MYO9A: variants seen among roughly 807,000 people sequenced by gnomAD.
MYO9A encodes unconventional myosin-IXa.
MYO9A carries 103 observed loss-of-function variants against 293.3 expected under a neutral mutation model. That is an observed-to-expected ratio of 0.35 (90% confidence interval 0.30 to 0.41). MYO9A has a LOEUF of 0.41. Ranked by LOEUF, MYO9A falls within the 10% of genes least tolerant of loss-of-function variation. The pLI, the probability that MYO9A is intolerant of heterozygous loss-of-function variation, is 1.00. For synonymous variants in MYO9A, 1,001 were observed against 1,035.7 expected (o/e 0.97, Z 0.64); for missense variants, 2,685 against 3,033.0 (o/e 0.89, Z 2.69).
intron 1 of MYO9A, among the ~76,000 whole-genome samples, chr15:72,107,793 A>G (rs1190962631): frequency 7.9e-5 from 1 of 12,612 alleles, no homozygotes; most frequent in East Asian, 2.1e-3. Flanking sequence ...AGACAATTTG[A>G]GCATCAAAAA....
intron 10 of MYO9A, among the ~76,000 whole-genome samples, chr15:71,991,742 G>A (rs1303959101): frequency 6.6e-6 from 1 of 152,184 alleles, no homozygotes; most frequent in Non-Finnish European, 1.5e-5. Context: ...GAAACTAGAT[G>A]TCAGAACGTA....
intron 37 of MYO9A, among the ~76,000 whole-genome samples, chr15:71,850,605 C>T (rs188135239): frequency 8.9e-4 from 50 of 56,120 alleles, no homozygotes; most frequent in African/African-American, 3.5e-3. Flanking sequence ...TCTCTACTAA[C>T]AATACAAAAA....
intron 6 of MYO9A, among the ~76,000 whole-genome samples, chr15:72,018,681 T>C (rs1024074861): frequency 6.6e-6 from 1 of 151,936 alleles, no homozygotes; most frequent in African/African-American, 2.4e-5. Context: ...GTAATGAAAC[T>C]ACTAAAAAAT....
At chr15:71,902,366 T>C (rs2057510789) in intron 22 of MYO9A, among the ~76,000 whole-genome samples, 1 of 151,968 alleles carries the variant, frequency 6.6e-6, no homozygotes, top group African/African-American at 2.4e-5. Flanking sequence ...TTTAATATTA[T>C]GAGTAGAATA....
At position 71,903,912 on chromosome 15, in the gene MYO9A, C is replaced by T. The variant is rs1471552264; in HGVS notation, c.2877+17G>A. 1 of 1,596,782 alleles carries T rather than the reference C, an allele frequency of 6.3e-7. No homozygotes were observed. The highest frequency in any genetic ancestry group is 1.3e-5 in the African/African-American group (1 of 74,738). ...TTGATGTGTCTAAATATGTAAATAT[C>T]ACTATAAAAACAGAACCTGGAAAGA... On this transcript the variant is annotated intron_variant, in intron 21 of 41. Coordinates refer to ENST00000356056, the MANE Select transcript of MYO9A (RefSeq NM_006901.4).
At chr15:72,002,649 G>A (rs778734217) in intron 8 of MYO9A, among the ~76,000 whole-genome samples, 9 of 152,070 alleles carry the variant, frequency 5.9e-5, no homozygotes, top group Admixed American at 1.3e-4. Context: ...TATAAAGACC[G>A]AAAACATGCA....
Position 71,826,313 on chromosome 15 carries a change from C to T in MYO9A, c.*267G>A. 2.6e-6 allele frequency: 1 copy of T among 386,862 alleles called. No individual in the cohort carries two copies. Among genetic ancestry groups the T allele is most frequent in the South Asian group, 5.6e-5 (1 of 17,980 alleles). 24.0% of individuals were successfully genotyped at this position (386,862 alleles called of 1,614,324 possible). A position where few individuals can be genotyped will look rare whatever the true frequency, so the allele number is the denominator to read the frequency against. On this transcript the variant is annotated 3_prime_UTR_variant, in exon 42 of 42. Transcript: ENST00000356056. ...GTGGGGGAGAGGCAACTACAACTGA[C>T]CCAAATCCCCAGGCCCTAGGTGGCT...
chr15:71,937,255 TCTA>T (rs2058667080), intron 16 of MYO9A, among the ~76,000 whole-genome samples: 3 of 152,114 alleles, frequency 2.0e-5, no homozygotes. Context: ...ATTCTGGAGT[TCTA>T]CTGTGGATAA....
At chr15:71,912,985 T>C (rs1202186411) in intron 19 of MYO9A, among the ~76,000 whole-genome samples, 3 of 152,120 alleles carry the variant, frequency 2.0e-5, no homozygotes. Context: ...TGATTGAGGT[T>C]TACTGAGATT....
chr15:71,834,969 A>G (rs1473625326), intron 39 of MYO9A, among the ~76,000 whole-genome samples: 2 of 152,076 alleles, frequency 1.3e-5, no homozygotes, highest in Non-Finnish European at 2.9e-5. Context: ...TAATGATACT[A>G]CTACATTATA....
At chr15:72,013,281 T>G (rs2077227165) in intron 6 of MYO9A, among the ~76,000 whole-genome samples, 1 of 152,176 alleles carries the variant, frequency 6.6e-6, no homozygotes, top group Non-Finnish European at 1.5e-5. Context: ...ATATACCATC[T>G]CATCTCTCAT....
chr15:71,954,152 C>T (rs1005225911), intron 14 of MYO9A, among the ~76,000 whole-genome samples: 3 of 151,754 alleles, frequency 2.0e-5, no homozygotes, highest in Non-Finnish European at 4.4e-5. Flanking sequence ...CCTCAACTTC[C>T]CAAAGTGCTG....
At chr15:72,035,540 C>T (rs1214796907) in intron 2 of MYO9A, among the ~76,000 whole-genome samples, 2 of 152,190 alleles carry the variant, frequency 1.3e-5, no homozygotes, top group African/African-American at 2.4e-5. Flanking sequence ...TGGTGGTTCA[C>T]ATGTGTAATC....
At chr15:72,036,977 C>T (rs764093043) in intron 2 of MYO9A, among the ~76,000 whole-genome samples, 1 of 151,816 alleles carries the variant, frequency 6.6e-6, no homozygotes, top group Non-Finnish European at 1.5e-5. Context: ...AAGTGATCCA[C>T]CTACCTGAGC....
At chr15:72,043,336 C>T (rs537484180) in intron 2 of MYO9A, among the ~76,000 whole-genome samples, 2 of 152,230 alleles carry the variant, frequency 1.3e-5, no homozygotes, top group African/African-American at 4.8e-5. Context: ...ACATACTTAT[C>T]ATCTGATCTA....
chr15:72,003,806 T>G (rs895435573), intron 8 of MYO9A, among the ~76,000 whole-genome samples: 3 of 151,944 alleles, frequency 2.0e-5, no homozygotes, highest in Non-Finnish European at 4.4e-5. Context: ...CAAGCCAGAT[T>G]TGAAAATCCT....
chr15:71,883,781 A>C (rs746823337), intron 27 of MYO9A, 45 bp from the exon 28 acceptor site: 2 of 1,533,818 alleles, frequency 1.3e-6, no homozygotes, highest in South Asian at 1.2e-5. Flanking sequence ...AGAGTATCTC[A>C]GTGATAATAT....
At chr15:72,043,679 T>C (rs188706893) in intron 2 of MYO9A, among the ~76,000 whole-genome samples, 2 of 152,230 alleles carry the variant, frequency 1.3e-5, no homozygotes, top group Non-Finnish European at 2.9e-5. Flanking sequence ...TGGTTTCCCA[T>C]ATATGGGTGG....
intron 15 of MYO9A, among the ~76,000 whole-genome samples, chr15:71,951,137 T>G (rs1205176127): frequency 1.3e-5 from 2 of 152,172 alleles, no homozygotes; most frequent in African/African-American, 4.8e-5. Flanking sequence ...ATTAATGCGG[T>G]GGTTTTGCTC....
Sources: allele counts gnomAD v4.1 joint callset (sites outside exome capture counted in the v4.1 genomes callset), GRCh38; gene constraint gnomAD v4.1.1; transcripts MANE v1.5; gene names NCBI Gene and HGNC (gene_info 2026-07-23, HGNC 2026-07-21).